The following PDE3B variants were observed in gnomAD, a reference collection of about 807,000 sequenced individuals.
PDE3B encodes cGMP-inhibited 3',5'-cyclic phosphodiesterase 3B.
PDE3B carries 66 observed loss-of-function variants against 116.8 expected under a neutral mutation model. That is an observed-to-expected ratio of 0.56 (90% CI 0.46 to 0.69). The LOEUF is 0.69. PDE3B is among the 30% of genes least tolerant of loss of function. The probability of loss-of-function intolerance (pLI) is 0.00; values close to 1 mark genes in which losing one functional copy is unlikely to be tolerated. For synonymous variants in PDE3B, 595 were observed against 533.6 expected, an observed-to-expected ratio of 1.12 and a Z score of -1.59; for missense variants, 1,384 against 1,368.1, an observed-to-expected ratio of 1.01 and a Z score of -0.18.
the PDE3B span, chr11:14,880,252 A>G: frequency 1.9e-6 from 3 of 1,613,016 alleles, no homozygotes; most frequent in Non-Finnish European, 2.5e-6. Flanking sequence ...TTCTTTGGAG[A>G]AAGTAGATGA....
At chr11:14,780,371 AG>A (rs1177186330) in intron 2 of PDE3B, among the ~76,000 whole-genome samples, 1 of 152,244 alleles carries the variant, frequency 6.6e-6, no homozygotes, top group Non-Finnish European at 1.5e-5. Flanking sequence ...CATTCTTCTC[AG>A]CACCACATTG....
chr11:14,667,833 TATAATAATAATA>T (rs60396910), intron 1 of PDE3B, among the ~76,000 whole-genome samples: 4 of 148,582 alleles, frequency 2.7e-5, no homozygotes, highest in East Asian at 2.0e-4. Flanking sequence ...AAACTTAAAG[TATAATAATAATA>T]ATAATAATAA....
Position 14,818,311 on chromosome 11 carries a change from T to G in PDE3B, c.1651T>G (p.Leu551Val). The G allele has an allele frequency of 6.2e-7, 1 of 1,613,648 alleles. No individual in the cohort carries two copies. Among genetic ancestry groups the G allele is most frequent in the Middle Eastern group, 1.7e-4 (1 of 6,056 alleles). Residue 551 changes from leucine to valine, a missense_variant, in exon 6 of 16, where the codon TTG becomes GTG. This residue lies in a region of PDE3B where 956 missense variants were observed against 806.8 expected (regional missense o/e 1.18). Transcript: ENST00000282096. ...TTTTCTTAATAAGCCAAGCGTTATC[T>G]TGCAGAGATCTCTGGGCAATGCACC... ...ADFLNKPSVILQRSLGNAPNT... is the reference protein window; with the variant it reads ...ADFLNKPSVIVQRSLGNAPNT...
At chr11:14,748,974 C>T (rs542230118) in intron 1 of PDE3B, among the ~76,000 whole-genome samples, 6 of 151,486 alleles carry the variant, frequency 4.0e-5, no homozygotes, top group Admixed American at 2.0e-4. Flanking sequence ...CTGCAGCTTC[C>T]GCCGCCTGGG....
chr11:14,659,107 T>C (rs1441491523), intron 1 of PDE3B, among the ~76,000 whole-genome samples: 2 of 152,200 alleles, frequency 1.3e-5, no homozygotes, highest in East Asian at 1.9e-4. Context: ...GGAAGCTTAC[T>C]TAGGTGAATG....
chr11:14,738,341 G>A (rs572186042), intron 1 of PDE3B, among the ~76,000 whole-genome samples: 1 of 152,320 alleles, frequency 6.6e-6, no homozygotes, highest in Admixed American at 6.5e-5. Flanking sequence ...TCTCATTGTG[G>A]TTTTGATTTG....
chr11:14,699,746 A>G (rs1855310584), intron 1 of PDE3B, among the ~76,000 whole-genome samples: 1 of 151,874 alleles, frequency 6.6e-6, no homozygotes, highest in African/African-American at 2.4e-5. Context: ...TAATTAGAAC[A>G]TTTGGCTCCC....
At chr11:14,828,829 T>C (rs1326724597) in intron 7 of PDE3B, among the ~76,000 whole-genome samples, 8 of 152,186 alleles carry the variant, frequency 5.3e-5, no homozygotes, top group Non-Finnish European at 1.2e-4. Flanking sequence ...CAAAGGAATA[T>C]AAGTCATTCT....
At chr11:14,777,654 C>A (rs1857827623) in intron 2 of PDE3B, among the ~76,000 whole-genome samples, 1 of 152,100 alleles carries the variant, frequency 6.6e-6, no homozygotes, top group Non-Finnish European at 1.5e-5. Context: ...CAAAAGTATT[C>A]TTTAAGAATG....
At chr11:14,799,211 G>C (rs1858665056) in intron 4 of PDE3B, among the ~76,000 whole-genome samples, 1 of 152,182 alleles carries the variant, frequency 6.6e-6, no homozygotes, top group South Asian at 2.1e-4. Context: ...TTCAGGAGCA[G>C]GTTGTTCAGT....
chr11:14,732,657 A>C (rs1456258752), intron 1 of PDE3B, among the ~76,000 whole-genome samples: 1 of 152,220 alleles, frequency 6.6e-6, no homozygotes, highest in African/African-American at 2.4e-5. Flanking sequence ...GTTCCTTGGT[A>C]TACATGGGAG....
intron 7 of PDE3B, among the ~76,000 whole-genome samples, chr11:14,820,815 C>T (rs1859495618): frequency 6.6e-6 from 1 of 152,170 alleles, no homozygotes; most frequent in Non-Finnish European, 1.5e-5. Context: ...CTTGGCCAGG[C>T]TGGCACCCTG....
In PDE3B at chr11:14,869,553, G is replaced by A. The variant is rs782465722; in HGVS notation, c.3232G>A (p.Glu1078Lys). Residue 1078 changes from glutamate to lysine, a missense_variant, in exon 16 of 16, where the codon GAA becomes AAA. Coordinates refer to ENST00000282096, the MANE Select transcript of PDE3B (RefSeq NM_000922.4). Reference sequence around the variant, plus strand: ...CAAGATATGGAAGGAAATCGTAGAGGAAGAAGAAAAATGTAAAGCTGATGG... The same window carrying A: ...CAAGATATGGAAGGAAATCGTAGAGAAAGAAGAAAAATGTAAAGCTGATGG... The part of the protein sequence containing the change: ...NHKIWKEIVE[E>K]EEKCKADGNK... The A allele has an allele frequency of 1.9e-6, 3 of 1,613,772 alleles. No homozygotes were observed. Among genetic ancestry groups the A allele is most frequent in the East Asian group, 2.2e-5 (1 of 44,870 alleles).
In PDE3B at chr11:14,844,022, C is replaced by T. The variant is rs756176938; in HGVS notation, c.2516C>T (p.Pro839Leu). Residue 839 changes from proline (P) to leucine (L), a missense_variant, in exon 12 of 16, where the codon CCT becomes CTT. By Grantham distance (98) the Pro-to-Leu change is moderately conservative. This residue lies in a region of PDE3B where 428 missense variants were observed against 561.4 expected (regional missense o/e 0.76). Transcript: ENST00000282096. ...TNAFLVATNA[P>L]QAVLYNDRSV... Reference sequence around the variant, plus strand: ...GCATTTCTAGTGGCTACAAATGCCCCTCAGGTAGGAAATATTTTTAAGAAC... The same window carrying T: ...GCATTTCTAGTGGCTACAAATGCCCTTCAGGTAGGAAATATTTTTAAGAAC... The T allele has an allele frequency of 6.2e-7, 1 of 1,610,686 alleles. No individual in the cohort carries two copies. Among genetic ancestry groups the T allele is most frequent in the Non-Finnish European group, 8.5e-7 (1 of 1,177,016 alleles).
chr11:14,707,464 G>A (rs912533778), intron 1 of PDE3B, among the ~76,000 whole-genome samples: 1 of 152,088 alleles, frequency 6.6e-6, no homozygotes, highest in South Asian at 2.1e-4. Context: ...GATGCCGTAA[G>A]CAAAGAGAAA....
intron 11 of PDE3B, among the ~76,000 whole-genome samples, chr11:14,839,788 G>C (rs989081903): frequency 6.6e-6 from 1 of 152,142 alleles, no homozygotes. Flanking sequence ...ATGAGATAAT[G>C]ATGAATAGCT....
intron 7 of PDE3B, among the ~76,000 whole-genome samples, chr11:14,828,514 A>G (rs751228739): frequency 7.9e-5 from 12 of 152,168 alleles, no homozygotes; most frequent in Non-Finnish European, 1.5e-4. Context: ...TGAACAGACA[A>G]TTTGCAAAAG....
intron 5 of PDE3B, among the ~76,000 whole-genome samples, chr11:14,810,466 T>C (rs1859091753): frequency 6.6e-6 from 1 of 152,038 alleles, no homozygotes; most frequent in Non-Finnish European, 1.5e-5. Context: ...TGATTTCCAA[T>C]TTCATCCATG....
At chr11:14,708,030 G>A (rs1176227501) in intron 1 of PDE3B, among the ~76,000 whole-genome samples, 1 of 152,022 alleles carries the variant, frequency 6.6e-6, no homozygotes, top group Non-Finnish European at 1.5e-5. Context: ...TTGGATGCTT[G>A]TCCTCTTCAA....
Sources: gnomAD v4.1 joint callset for allele counts (sites outside exome capture counted in the v4.1 genomes callset) on GRCh38, gnomAD v4.1.1 for gene constraint, gnomAD v4.1.1 regional missense constraint, MANE v1.5 for transcripts, NCBI Gene and HGNC (gene_info 2026-07-23, HGNC 2026-07-21) for gene names.